The following ACTR3C variants were observed in gnomAD, a reference collection of about 807,000 sequenced individuals.
ACTR3C encodes actin-related protein 3C.
Under a neutral mutation model 26.3 loss-of-function variants are expected in ACTR3C, and 18 were observed. That is an observed-to-expected ratio of 0.68 (90% confidence interval 0.47 to 1.01). ACTR3C has a LOEUF of 1.01. Among genes scored for constraint, ACTR3C ranks in the 50% least tolerant of loss-of-function variants. ACTR3C has a pLI of 0.00. For synonymous variants in ACTR3C, 55 were observed against 94.5 expected, an observed-to-expected ratio of 0.58 and a Z score of 2.42; for missense variants, 184 against 250.7, an observed-to-expected ratio of 0.73 and a Z score of 1.80.
At chr7:150,283,596 T>C (rs1156653603) in intron 6 of ACTR3C, among the ~76,000 whole-genome samples, 1 of 151,912 alleles carries the variant, frequency 6.6e-6, no homozygotes, top group Non-Finnish European at 1.5e-5. Flanking sequence ...GCAAACTATA[T>C]ATTTTATATA....
At chr7:149,947,842 G>A in the ACTR3C span, among the ~76,000 whole-genome samples, 241 of 144,980 alleles carry the variant, frequency 1.7e-3, 2 homozygotes, top group Non-Finnish European at 2.3e-3. Flanking sequence ...TTTCTGCCCA[G>A]TATAGGTCTG....
the ACTR3C span, among the ~76,000 whole-genome samples, chr7:150,068,695 A>G: frequency 3.3e-4 from 48 of 146,636 alleles, no homozygotes; most frequent in African/African-American, 1.2e-3. Context: ...AGGCAGGAGA[A>G]TGGCATGAAC....
chr7:149,977,951 G>A, the ACTR3C span, among the ~76,000 whole-genome samples: 5 of 151,298 alleles, frequency 3.3e-5, no homozygotes, highest in Non-Finnish European at 7.4e-5. Flanking sequence ...AAGAAACAGT[G>A]TATGTATCAA....
the ACTR3C span, among the ~76,000 whole-genome samples, chr7:150,089,803 T>G: frequency 6.6e-6 from 1 of 152,136 alleles, no homozygotes; most frequent in African/African-American, 2.4e-5. Flanking sequence ...TCTTCAAGGG[T>G]TTTCTGCCAG....
chr7:149,912,855 C>T, the ACTR3C span, among the ~76,000 whole-genome samples: 1 of 151,978 alleles, frequency 6.6e-6, no homozygotes, highest in African/African-American at 2.4e-5. Flanking sequence ...CCTAGCAGAA[C>T]TGACGTTATT....
the ACTR3C span, among the ~76,000 whole-genome samples, chr7:149,961,454 C>T: frequency 6.6e-6 from 1 of 151,314 alleles, no homozygotes; most frequent in South Asian, 2.1e-4. Context: ...TGTGGGCTCA[C>T]GGGAAGCATG....
the ACTR3C span, among the ~76,000 whole-genome samples, chr7:150,166,979 G>A: frequency 6.7e-6 from 1 of 148,368 alleles, no homozygotes; most frequent in Non-Finnish European, 1.5e-5. Flanking sequence ...CAAATGACAG[G>A]ATTTTATTGT....
chr7:150,023,247 C>T, the ACTR3C span, among the ~76,000 whole-genome samples: 2,658 of 84,518 alleles, frequency 0.031, 110 homozygotes, highest in African/African-American at 0.11. Context: ...CTCTCTATCT[C>T]TATATAGATC....
chr7:150,108,202 T>G, the ACTR3C span, among the ~76,000 whole-genome samples: 3 of 150,170 alleles, frequency 2.0e-5, no homozygotes, highest in Admixed American at 1.3e-4. Flanking sequence ...AAAAGGGCAT[T>G]AGTTATAGGA....
At chr7:150,120,045 A>G in the ACTR3C span, among the ~76,000 whole-genome samples, 1 of 152,210 alleles carries the variant, frequency 6.6e-6, no homozygotes, top group Non-Finnish European at 1.5e-5. Context: ...ATGAGAACAA[A>G]GACACAATGT....
chr7:149,996,336 C>T, the ACTR3C span, among the ~76,000 whole-genome samples: 1 of 150,004 alleles, frequency 6.7e-6, no homozygotes, highest in African/African-American at 2.4e-5. Flanking sequence ...TGAAGTGGGG[C>T]AGAGGCTTGG....
At chr7:150,307,706 T>C (rs1205813289) in intron 1 of ACTR3C, among the ~76,000 whole-genome samples, 5 of 152,204 alleles carry the variant, frequency 3.3e-5, no homozygotes, top group African/African-American at 4.8e-5. Flanking sequence ...GCTTGACATT[T>C]GGTGCCATGA....
the ACTR3C span, among the ~76,000 whole-genome samples, chr7:150,041,747 G>T: frequency 1.6e-3 from 163 of 102,372 alleles, 1 homozygote; most frequent in South Asian, 9.3e-3. Context: ...GGTCCTAAGA[G>T]CCAGGGGGGG....
the ACTR3C span, among the ~76,000 whole-genome samples, chr7:150,032,346 C>A: frequency 6.6e-6 from 1 of 152,290 alleles, no homozygotes; most frequent in East Asian, 1.9e-4. Context: ...TGAGACGCTG[C>A]AAGGTCTGCA....
At chr7:150,078,383 C>G in the ACTR3C span, among the ~76,000 whole-genome samples, 1 of 148,078 alleles carries the variant, frequency 6.8e-6, no homozygotes, top group Admixed American at 6.8e-5. Context: ...AGAGAATTCT[C>G]TGGTTAAGAA....
chr7:150,045,743 AT>A, the ACTR3C span, among the ~76,000 whole-genome samples: 2 of 150,548 alleles, frequency 1.3e-5, no homozygotes, highest in Admixed American at 1.3e-4. Flanking sequence ...CCAAGTTAAG[AT>A]TTTTTAAAAA....
At chr7:150,146,948 C>T in the ACTR3C span, among the ~76,000 whole-genome samples, 6,995 of 152,174 alleles carry the variant, frequency 0.046, 224 homozygotes, top group Non-Finnish European at 0.068. Flanking sequence ...AAGTCATGTA[C>T]CCATCAATTT....
chr7:149,920,903 T>C, the ACTR3C span, among the ~76,000 whole-genome samples: 4 of 151,824 alleles, frequency 2.6e-5, no homozygotes, highest in Non-Finnish European at 5.9e-5. Flanking sequence ...AGTAGCTGGA[T>C]TTACAGGCAT....
At chr7:149,930,957 C>G in the ACTR3C span, among the ~76,000 whole-genome samples, 14 of 152,218 alleles carry the variant, frequency 9.2e-5, no homozygotes, top group Non-Finnish European at 1.8e-4. Flanking sequence ...CCTCCGCCTC[C>G]TGGGTTCAAA....
Sources: gnomAD v4.1 joint callset for allele counts (sites outside exome capture counted in the v4.1 genomes callset) on GRCh38, gnomAD v4.1.1 for gene constraint, MANE v1.5 for transcripts, NCBI Gene and HGNC (gene_info 2026-07-23, HGNC 2026-07-21) for gene names.